Variants in PPP3CB observed in about 807,000 individuals in gnomAD.
PPP3CB encodes the protein protein phosphatase 3 catalytic subunit beta, also known as serine/threonine-protein phosphatase 2B catalytic subunit beta isoform.
In PPP3CB, 8 loss-of-function variants were observed where a neutral mutation model predicts 66.4. The observed-to-expected ratio is 0.12, with a 90% confidence interval of 0.07 to 0.22. The LOEUF (loss-of-function observed/expected upper bound fraction) is 0.22. PPP3CB is among the 10% of genes least tolerant of loss of function. The pLI is 1.00. For missense variants in PPP3CB, 319 were observed against 642.5 expected (o/e 0.50, Z 5.44); for synonymous variants, 208 against 221.2 (o/e 0.94, Z 0.53).
intron 9 of PPP3CB, among the ~76,000 whole-genome samples, chr10:73,457,260 G>GAAAAAAAAAAAAAA (rs35129439): frequency 8.7e-5 from 6 of 69,020 alleles, no homozygotes; most frequent in South Asian, 4.8e-4. Context: ...CTCTAAAAAA[G>GAAAAAAAAAAAAAA]AAAAAAAAAA....
intron 1 of PPP3CB, among the ~76,000 whole-genome samples, chr10:73,480,440 ATTTTTTT>A (rs57553384): frequency 8.1e-6 from 1 of 123,932 alleles, no homozygotes; most frequent in Non-Finnish European, 1.7e-5. Flanking sequence ...TATCCCTGTA[ATTTTTTT>A]TTTTTTTTTT....
rs57553384 is a variant in PPP3CB at position 73,480,440 on chromosome 10, A to ATTT, written c.86-926_86-924dup. Among the ~76,000 whole-genome samples the ATTT allele has an allele frequency of 1.7e-4, 21 of 123,908 alleles. 1 individual carries two copies. The highest frequency in any genetic ancestry group is 9.8e-4 in the East Asian group (4 of 4,094). 81.3% of individuals were successfully genotyped at this position (123,908 alleles called of 152,430 possible). ...TTACCACTGCAAATTTATCCCTGTA[A>ATTT]TTTTTTTTTTTTTTTTTTTTTTGAG... On this transcript the variant is annotated intron_variant, in intron 1 of 13. Coordinates refer to ENST00000360663, the MANE Select transcript of PPP3CB (RefSeq NM_021132.4).
intron 8 of PPP3CB, among the ~76,000 whole-genome samples, chr10:73,470,244 A>C (rs1335164338): frequency 6.6e-6 from 1 of 152,230 alleles, no homozygotes; most frequent in Non-Finnish European, 1.5e-5. Flanking sequence ...TGTGGAGGTA[A>C]AAGAAGGAAA....
intron 3 of PPP3CB, among the ~76,000 whole-genome samples, chr10:73,476,179 T>A (rs1589709262): frequency 1.3e-5 from 2 of 152,298 alleles, no homozygotes; most frequent in South Asian, 4.1e-4. Context: ...GTTAATAAAT[T>A]AAGGTATATC....
chr10:73,462,725 G>A (rs894902697), intron 9 of PPP3CB, among the ~76,000 whole-genome samples: 2 of 151,940 alleles, frequency 1.3e-5, no homozygotes, highest in Non-Finnish European at 1.5e-5. Flanking sequence ...TGAGGTGGGC[G>A]GATCACTTGA....
rs2056075918 is a variant in PPP3CB at position 73,436,544 on chromosome 10, G to C, written c.*1698C>G. On this transcript the variant is annotated 3_prime_UTR_variant, in exon 14 of 14. Coordinates refer to ENST00000360663, the MANE Select transcript of PPP3CB (RefSeq NM_021132.4). ...TTTCAATTAAAAGACAATAAACAGT[G>C]ATCTTAAATATTAGACTTAGGAGGC... The C allele has an allele frequency of 6.6e-6, 1 of 152,108 alleles. No homozygotes were observed. The allele number at this position is 152,108 out of a possible 1,614,324, so 9.4% of individuals were successfully genotyped here.
intron 3 of PPP3CB, chr10:73,477,089 G>A (rs1353567191): frequency 4.0e-6 from 2 of 501,780 alleles, no homozygotes; most frequent in African/African-American, 2.0e-5. Context: ...TAATACCTTG[G>A]GCAAGTTACT....
intron 12 of PPP3CB, among the ~76,000 whole-genome samples, chr10:73,443,290 A>AAGAAAGAAAGAC (rs1554821600): frequency 2.6e-5 from 3 of 115,456 alleles, no homozygotes; most frequent in African/African-American, 1.4e-4. Flanking sequence ...GAAAGACAGA[A>AAGAAAGAAAGAC]AGAAAGAAAG....
chr10:73,477,604 G>A (rs2056812336), intron 3 of PPP3CB, among the ~76,000 whole-genome samples: 1 of 152,074 alleles, frequency 6.6e-6, no homozygotes, highest in South Asian at 2.1e-4. Context: ...TTCTACATTT[G>A]CTGCATTTTG....
intron 1 of PPP3CB, among the ~76,000 whole-genome samples, chr10:73,483,256 G>T: frequency 6.6e-6 from 1 of 152,206 alleles, no homozygotes; most frequent in East Asian, 1.9e-4. Flanking sequence ...AATGTGTACA[G>T]GTTGAGTGGT....
intron 12 of PPP3CB, among the ~76,000 whole-genome samples, chr10:73,440,674 C>T (rs1188919340): frequency 1.3e-5 from 2 of 152,154 alleles, no homozygotes; most frequent in East Asian, 1.9e-4. Context: ...TTATCATGAA[C>T]TCAAATTTGC....
chr10:73,495,671 G>T, intron 1 of PPP3CB, 134 bp downstream of exon 1: 1 of 1,341,092 alleles, frequency 7.5e-7, no homozygotes, highest in Non-Finnish European at 9.7e-7. Flanking sequence ...CCCGCCCAGG[G>T]GCCACTCCCC....
chr10:73,442,990 T>C (rs527977863), intron 12 of PPP3CB, among the ~76,000 whole-genome samples: 1 of 150,656 alleles, frequency 6.6e-6, no homozygotes, highest in African/African-American at 2.4e-5. Flanking sequence ...CCCAGGAGTT[T>C]GAGACCAGCC....
chr10:73,491,022 GTTTTTTTTTTTTTTTT>G (rs528238766), intron 1 of PPP3CB, among the ~76,000 whole-genome samples: 1 of 40,896 alleles, frequency 2.4e-5, no homozygotes, highest in Non-Finnish European at 5.3e-5. Flanking sequence ...TGTTTTTATT[GTTTTTTTTTTTTTTTT>G]TTTTTTTTTT....
At chr10:73,486,867 G>C (rs895908411) in intron 1 of PPP3CB, among the ~76,000 whole-genome samples, 1 of 152,110 alleles carries the variant, frequency 6.6e-6, no homozygotes, top group Non-Finnish European at 1.5e-5. Context: ...CCTTGTCCCT[G>C]CTATCTATTA....
chr10:73,491,326 G>C (rs2057075266), intron 1 of PPP3CB, among the ~76,000 whole-genome samples: 1 of 151,688 alleles, frequency 6.6e-6, no homozygotes, highest in Non-Finnish European at 1.5e-5. Flanking sequence ...ACTGTGCCCA[G>C]CCAAATTTTT....
intron 13 of PPP3CB, 58 bp downstream of exon 13, chr10:73,439,812 TTC>T (rs1477877078): frequency 6.4e-7 from 1 of 1,558,482 alleles, no homozygotes; most frequent in Non-Finnish European, 8.8e-7. Context: ...CCACAGGACA[TTC>T]TCTGATGCCC....
At chr10:73,487,963 T>G (rs182780198) in intron 1 of PPP3CB, among the ~76,000 whole-genome samples, 1 of 151,964 alleles carries the variant, frequency 6.6e-6, no homozygotes, top group Non-Finnish European at 1.5e-5. Flanking sequence ...ATATTTTTAA[T>G]AGAGACGGGG....
chr10:73,466,719 C>T lies in PPP3CB; in HGVS notation c.1108+834G>A, dbSNP rs11000665. Among the ~76,000 whole-genome samples, 8 of 152,164 alleles carry T rather than the reference C, an allele frequency of 5.3e-5. No individual in the cohort carries two copies. The East Asian group carries it at 1.5e-3, about 29-fold the overall frequency. ...ATTTCAGAACTACAAATTGCCTTGGCAGAAGTGACGTATCTCATACAGAAA... is the reference window on the plus strand; with the variant it reads ...ATTTCAGAACTACAAATTGCCTTGGTAGAAGTGACGTATCTCATACAGAAA... On this transcript the variant is annotated intron_variant, in intron 9 of 13. Coordinates refer to ENST00000360663, the MANE Select transcript of PPP3CB (RefSeq NM_021132.4).
Sources: gnomAD v4.1 joint callset for allele counts (sites outside exome capture counted in the v4.1 genomes callset) on GRCh38, gnomAD v4.1.1 for gene constraint, MANE v1.5 for transcripts, NCBI Gene and HGNC (gene_info 2026-07-23, HGNC 2026-07-21) for gene names.